Variants in SPPL3 observed in about 807,000 individuals in gnomAD.
The protein encoded by SPPL3 is signal peptide peptidase like 3, also known as signal peptide peptidase-like 3.
A neutral mutation model predicts 42.4 loss-of-function variants in SPPL3; 5 were observed. The ratio of observed to expected loss-of-function variants is 0.12; its 90% CI spans 0.06 to 0.25. SPPL3 has a LOEUF of 0.25. Among genes scored for constraint, SPPL3 ranks in the 10% least tolerant of loss-of-function variants. The pLI is 1.00. For missense variants in SPPL3, 235 were observed against 489.0 expected (o/e 0.48, Z 4.90); for synonymous variants, 195 against 181.8 (o/e 1.07, Z -0.58).
At chr12:120,766,131 CACACACACACAG>C (rs1868891922) in intron 10 of SPPL3, 120 bp downstream of exon 10, 3 of 564,130 alleles carry the variant, frequency 5.3e-6, no homozygotes, top group Non-Finnish European at 6.0e-6. Flanking sequence ...CACACACACA[CACACACACACAG>C]TCGAGATCAC....
rs138954652 is a variant in SPPL3 at position 120,809,118 on chromosome 12, G to A, written c.101+1691C>T. ...CCCAGCACTTTGGCAGGCCAAGGCCGGTGGATCACAAGGTCAGGAGATAGA... is the reference window on the plus strand; with the variant it reads ...CCCAGCACTTTGGCAGGCCAAGGCCAGTGGATCACAAGGTCAGGAGATAGA... On this transcript the variant is annotated intron_variant, in intron 2 of 10. Transcript: ENST00000353487. Among the ~76,000 whole-genome samples, 134 of 152,256 alleles carry A rather than the reference G, an allele frequency of 8.8e-4. 1 individual carries two copies. The highest frequency in any genetic ancestry group is 6.0e-3 in the East Asian group (31 of 5,170).
chr12:120,803,448 AG>A (rs1314400109), intron 2 of SPPL3, among the ~76,000 whole-genome samples: 2 of 152,180 alleles, frequency 1.3e-5, no homozygotes, highest in African/African-American at 4.8e-5. Context: ...CTGATACCTG[AG>A]GACACTGTGA....
In SPPL3 at chr12:120,766,100, GCACACACACACACACACACACA is replaced by G. The variant is rs111837123; in HGVS notation, c.1083+141_1083+162del. On this transcript the variant is annotated intron_variant, in intron 10 of 10. Transcript: ENST00000353487. The stretch of plus-strand genomic sequence containing the variant: ...GCTAACGCCAGGGTAGCGCGCGCGC[GCACACACACACACACACACACA>G]CACACACACACACACACACAGTCGA... Among the ~76,000 whole-genome samples, 13 of 84,142 alleles carry G rather than the reference GCACACACACACACACACACACA, an allele frequency of 1.5e-4. No individual in the cohort carries two copies. The East Asian group carries it at 1.7e-3, about 11-fold the overall frequency. 55.2% of individuals were successfully genotyped at this position (84,142 alleles called of 152,430 possible). A position where few individuals can be genotyped will look rare whatever the true frequency, so the allele number is the denominator to read the frequency against.
intron 1 of SPPL3, among the ~76,000 whole-genome samples, chr12:120,840,765 G>A (rs1456171479): frequency 6.6e-6 from 1 of 152,016 alleles, no homozygotes; most frequent in Non-Finnish European, 1.5e-5. Context: ...TTGGGAGGCG[G>A]AGGTTGCAGT....
intron 1 of SPPL3, among the ~76,000 whole-genome samples, chr12:120,856,350 C>T (rs1381858992): frequency 6.6e-6 from 1 of 151,434 alleles, no homozygotes; most frequent in Non-Finnish European, 1.5e-5. Context: ...TGTGATGTCT[C>T]GGAAATGTTG....
chr12:120,877,556 G>A (rs1873143488), intron 1 of SPPL3, among the ~76,000 whole-genome samples: 1 of 152,126 alleles, frequency 6.6e-6, no homozygotes, highest in African/African-American at 2.4e-5. Flanking sequence ...CGAGGCGGGT[G>A]GATCACCCAA....
In SPPL3 at chr12:120,767,099, A is replaced by G. The variant is rs181715523; in HGVS notation, c.973+295T>C. Among the ~76,000 whole-genome samples the G allele has an allele frequency of 1.2e-4, 19 of 152,286 alleles. No homozygotes were observed. In the East Asian group the frequency reaches 3.7e-3, roughly 29 times the overall value. ...AGGAAATAAATACGACAGTCATTCAACTCTAGAGGAAGATTTAAGCACAGA... is the reference window on the plus strand; with the variant it reads ...AGGAAATAAATACGACAGTCATTCAGCTCTAGAGGAAGATTTAAGCACAGA... On this transcript the variant is annotated intron_variant, in intron 9 of 10. Transcript: ENST00000353487.
intron 1 of SPPL3, among the ~76,000 whole-genome samples, chr12:120,854,236 A>G (rs1872374621): frequency 6.6e-6 from 1 of 152,214 alleles, no homozygotes; most frequent in Non-Finnish European, 1.5e-5. Context: ...GGAAATCAGA[A>G]AAGCCAAGGG....
intron 3 of SPPL3, among the ~76,000 whole-genome samples, chr12:120,786,374 G>A (rs1592961539): frequency 1.3e-5 from 2 of 152,180 alleles, no homozygotes; most frequent in South Asian, 4.1e-4. Context: ...GCTAGAGGAA[G>A]CTACAGATTT....
intron 1 of SPPL3, among the ~76,000 whole-genome samples, chr12:120,887,281 A>C (rs1873496287): frequency 6.6e-6 from 1 of 152,182 alleles, no homozygotes; most frequent in Non-Finnish European, 1.5e-5. Context: ...AAAACTTTTT[A>C]ATGTGGCTAC....
chr12:120,843,217 T>C (rs1302591935), intron 1 of SPPL3, among the ~76,000 whole-genome samples: 1 of 152,204 alleles, frequency 6.6e-6, no homozygotes, highest in East Asian at 1.9e-4. Flanking sequence ...AGATTCACAT[T>C]AGATAAAAAG....
intron 2 of SPPL3, among the ~76,000 whole-genome samples, chr12:120,809,507 G>A (rs892742923): frequency 2.6e-5 from 4 of 152,038 alleles, no homozygotes; most frequent in African/African-American, 7.2e-5. Flanking sequence ...AAATCTTTAC[G>A]CCTGGGTATT....
chr12:120,874,469 AAG>A (rs1873022060), intron 1 of SPPL3, among the ~76,000 whole-genome samples: 1 of 151,454 alleles, frequency 6.6e-6, no homozygotes, highest in East Asian at 1.9e-4. Context: ...AAAAAAAAAA[AAG>A]AATAAAAGAA....
intron 1 of SPPL3, among the ~76,000 whole-genome samples, chr12:120,852,257 C>T (rs1872252297): frequency 6.6e-6 from 1 of 150,630 alleles, no homozygotes; most frequent in South Asian, 2.1e-4. Context: ...TTTGTCATCG[C>T]ACATAGTTAC....
chr12:120,866,968 T>C (rs1179769154), intron 1 of SPPL3, among the ~76,000 whole-genome samples: 4 of 152,166 alleles, frequency 2.6e-5, no homozygotes, highest in Non-Finnish European at 4.4e-5. Flanking sequence ...ATAAGGAACG[T>C]TTTTTAAAAC....
intron 2 of SPPL3, among the ~76,000 whole-genome samples, chr12:120,796,947 GA>G (rs560435241): frequency 1.6e-4 from 25 of 152,052 alleles, no homozygotes; most frequent in Non-Finnish European, 2.1e-4. Context: ...TGAGGCGGGC[GA>G]ATCACGAGGT....
chr12:120,787,808 CTTCT>C (rs1424464249), intron 3 of SPPL3, among the ~76,000 whole-genome samples: 2 of 152,126 alleles, frequency 1.3e-5, no homozygotes, highest in South Asian at 2.1e-4. Context: ...TTGTGTCTGG[CTTCT>C]TTGACTCAAT....
chr12:120,844,557 C>T (rs1871953769), intron 1 of SPPL3, among the ~76,000 whole-genome samples: 1 of 152,166 alleles, frequency 6.6e-6, no homozygotes, highest in African/African-American at 2.4e-5. Flanking sequence ...TGGCTGAGTG[C>T]CCTTTGATTT....
At position 120,852,764 on chromosome 12, in the gene SPPL3, G is replaced by GAAA. The variant is rs1433841747; in HGVS notation, c.24-41879_24-41878insTTT. Among the ~76,000 whole-genome samples the GAAA allele has an allele frequency of 2.9e-5, 2 of 68,200 alleles. 1 individual carries two copies. Among genetic ancestry groups the GAAA allele is most frequent in the Non-Finnish European group, 5.5e-5 (2 of 36,288 alleles). The allele number at this position is 68,200 out of a possible 152,430, so 44.7% of individuals were successfully genotyped here. A position where few individuals can be genotyped will look rare whatever the true frequency, so the allele number is the denominator to read the frequency against. On this transcript the variant is annotated intron_variant, in intron 1 of 10. Coordinates refer to ENST00000353487, the MANE Select transcript of SPPL3 (RefSeq NM_139015.5). Reference sequence around the variant, plus strand: ...AATATATTTCATATATTATATCTATGTATATTATATATAAAATATATTTCA... The same window carrying GAAA: ...AATATATTTCATATATTATATCTATGAAATATATTATATATAAAATATATTTCA...
Sources: gnomAD v4.1 joint callset for allele counts (sites outside exome capture counted in the v4.1 genomes callset) on GRCh38, gnomAD v4.1.1 for gene constraint, MANE v1.5 for transcripts, NCBI Gene and HGNC (gene_info 2026-07-23, HGNC 2026-07-21) for gene names.